The following NRXN2 variants were observed in gnomAD, a reference collection of about 807,000 sequenced individuals.
The protein encoded by NRXN2 is neurexin 2, also known as neurexin-2-beta.
In NRXN2, 29 loss-of-function variants were observed where a neutral mutation model predicts 128.8. The observed-to-expected ratio is 0.23, with a 90% CI of 0.17 to 0.31. The LOEUF (loss-of-function observed/expected upper bound fraction) is 0.31. Among genes scored for constraint, NRXN2 ranks in the 10% least tolerant of loss-of-function variants. NRXN2 has a pLI of 1.00. For missense variants in NRXN2, 1,881 were observed against 2,452.6 expected, an observed-to-expected ratio of 0.77 and a Z score of 4.92; for synonymous variants, 1,098 against 1,075.2, an observed-to-expected ratio of 1.02 and a Z score of -0.41.
chr11:64,655,452 G>A (rs1485540355), intron 11 of NRXN2, among the ~76,000 whole-genome samples: 2 of 152,060 alleles, frequency 1.3e-5, no homozygotes, highest in Admixed American at 6.5e-5. Flanking sequence ...GGAAGGGGAG[G>A]ACTGTTAGGG....
chr11:64,706,029 T>G (rs1261395106), intron 2 of NRXN2, among the ~76,000 whole-genome samples: 1 of 119,324 alleles, frequency 8.4e-6, no homozygotes, highest in Non-Finnish European at 1.6e-5. Context: ...ATAATCCCTC[T>G]GCACTTCACT....
chr11:64,637,491 T>C (rs2849041), intron 17 of NRXN2: 149,729 of 152,408 alleles, frequency 0.98, 73,608 homozygotes, highest in Middle Eastern at 1. Flanking sequence ...TGCAGCACTC[T>C]GGAAAATCGG....
Position 64,712,869 on chromosome 11 carries a change from C to G in NRXN2, c.730+101G>C. 6.5e-6 allele frequency: 7 copies of G among 1,078,798 alleles called. No homozygotes were observed. In the South Asian group the frequency reaches 1.0e-4, roughly 15 times the overall value. 66.8% of individuals were successfully genotyped at this position (1,078,798 alleles called of 1,614,324 possible). ...CCCACTCACAAGCCCTCGTGCCCAG[C>G]CCCCGTGCCTCAGGAGCCCACACAC... On this transcript the variant is annotated intron_variant, in intron 2 of 22. Coordinates refer to ENST00000265459, the MANE Select transcript of NRXN2 (RefSeq NM_015080.4).
At chr11:64,659,390 T>A (rs2048714218) in intron 11 of NRXN2, 1 of 152,286 alleles carries the variant, frequency 6.6e-6, no homozygotes. Flanking sequence ...TTGCCCTGAC[T>A]AGGAGAGCTG....
intron 22 of NRXN2, among the ~76,000 whole-genome samples, chr11:64,615,697 T>C (rs757817598): frequency 2.8e-4 from 42 of 152,206 alleles, no homozygotes; most frequent in Admixed American, 3.3e-4. Context: ...AGGCATGCCT[T>C]GTACTGTGTC....
chr11:64,708,310 T>C (rs1047142168), intron 2 of NRXN2, among the ~76,000 whole-genome samples: 2 of 152,150 alleles, frequency 1.3e-5, no homozygotes, highest in Non-Finnish European at 2.9e-5. Context: ...CCTGAGCAAA[T>C]AGTATACACC....
chr11:64,656,992 C>T (rs1399561024), intron 11 of NRXN2, among the ~76,000 whole-genome samples: 1 of 151,882 alleles, frequency 6.6e-6, no homozygotes, highest in Non-Finnish European at 1.5e-5. Context: ...CCGCAGCCTC[C>T]GCTCCCTCTT....
rs758781905 is a variant in NRXN2 at position 64,660,568 on chromosome 11, A to G, written c.2186-33T>C. The G allele has an allele frequency of 6.2e-7, 1 of 1,610,516 alleles. No homozygotes were observed. Among genetic ancestry groups the G allele is most frequent in the Non-Finnish European group, 8.5e-7 (1 of 1,177,446 alleles). On this transcript the variant is annotated intron_variant, in intron 10 of 22. Coordinates refer to ENST00000265459, the MANE Select transcript of NRXN2 (RefSeq NM_015080.4). This position sits in a 1 kb window ranked among gnomAD's most constrained non-coding sequence, Gnocchi z 5.2. ...CAGGAGTTGGGGAAGAGGGAAGGAG[A>G]AGACAGGCAGAGGCCAGGGGAGGGA...
intron 22 of NRXN2, among the ~76,000 whole-genome samples, chr11:64,609,122 A>C (rs1343499990): frequency 6.6e-6 from 1 of 151,722 alleles, no homozygotes; most frequent in Non-Finnish European, 1.5e-5. Flanking sequence ...GAGAGAAGCC[A>C]TGTAGAGGCA....
chr11:64,720,324 C>T (rs574457055), intron 1 of NRXN2, among the ~76,000 whole-genome samples: 2 of 152,344 alleles, frequency 1.3e-5, no homozygotes. Context: ...GCTGCACCAA[C>T]AGATGGAGCA....
Position 64,632,136 on chromosome 11 carries a change from G to T in NRXN2, c.3586-1563C>A, listed in dbSNP as rs1166563719. 1.3e-5 allele frequency among the ~76,000 whole-genome samples: 2 copies of T among 152,228 alleles called. No individual in the cohort carries two copies. The highest frequency in any genetic ancestry group is 2.9e-5 in the Non-Finnish European group (2 of 68,046). On this transcript the variant is annotated intron_variant, in intron 18 of 22. Coordinates refer to ENST00000265459, the MANE Select transcript of NRXN2 (RefSeq NM_015080.4). The surrounding 1 kb of genome is among the most constrained non-coding windows in gnomAD (Gnocchi z 4.2). ...GGCTCACAGATGGGGCAAGGGTTGGGGTTTGGCAGAGAGAGTTGGGGGACA... is the reference window on the plus strand; with the variant it reads ...GGCTCACAGATGGGGCAAGGGTTGGTGTTTGGCAGAGAGAGTTGGGGGACA...
At chr11:64,696,754 C>A (rs1361520330) in intron 3 of NRXN2, among the ~76,000 whole-genome samples, 1 of 152,182 alleles carries the variant, frequency 6.6e-6, no homozygotes, top group African/African-American at 2.4e-5. Flanking sequence ...CCCAGGGACG[C>A]CCTTGCCCTC....
rs1418844978 is a variant in NRXN2, at chr11:64,714,500, C to T, written c.-244-557G>A. On this transcript the variant is annotated intron_variant, in intron 1 of 22. Coordinates refer to ENST00000265459, the MANE Select transcript of NRXN2 (RefSeq NM_015080.4). The surrounding 1 kb of genome is among the most constrained non-coding windows in gnomAD (Gnocchi z 4.5). Reference sequence around the variant, plus strand: ...GAAGGGGGCAAGGGAGAGAAGCCAGCCAGGACCCAGATATCCAGGCCCCAA... The same window carrying T: ...GAAGGGGGCAAGGGAGAGAAGCCAGTCAGGACCCAGATATCCAGGCCCCAA... Among the ~76,000 whole-genome samples the T allele has an allele frequency of 6.6e-6, 1 of 151,978 alleles. No individual in the cohort carries two copies. The highest frequency in any genetic ancestry group is 2.4e-5 in the African/African-American group (1 of 41,342).
chr11:64,681,562 T>C (rs1394631159), intron 6 of NRXN2, among the ~76,000 whole-genome samples: 2 of 152,230 alleles, frequency 1.3e-5, no homozygotes, highest in Non-Finnish European at 2.9e-5. Context: ...TGCCAGGCAC[T>C]GTGTTGAGTG....
Position 64,651,058 on chromosome 11 carries a change from G to A in NRXN2, c.2918+197C>T, listed in dbSNP as rs537585133. On this transcript the variant is annotated intron_variant, in intron 14 of 22. Coordinates refer to ENST00000265459, the MANE Select transcript of NRXN2 (RefSeq NM_015080.4). This position sits in a 1 kb window ranked among gnomAD's most constrained non-coding sequence, Gnocchi z 5.9. Reference sequence around the variant, plus strand: ...GGAACTCTGGCAAGGAAGCAGCTGGGGAGTCAGCAGTGGAAGAGGGTGTGC... The same window carrying A: ...GGAACTCTGGCAAGGAAGCAGCTGGAGAGTCAGCAGTGGAAGAGGGTGTGC... Among the ~76,000 whole-genome samples the A allele has an allele frequency of 2.8e-4, 43 of 152,312 alleles. No homozygotes were observed. The highest frequency in any genetic ancestry group is 5.9e-4 in the Non-Finnish European group (40 of 68,020).
intron 3 of NRXN2, among the ~76,000 whole-genome samples, chr11:64,695,399 T>A (rs532084578): frequency 6.6e-6 from 1 of 152,028 alleles, no homozygotes; most frequent in Non-Finnish European, 1.5e-5. Context: ...TTGGGGTTCC[T>A]GGAGAAAGCT....
At chr11:64,706,157 T>TA (rs2056290566) in intron 2 of NRXN2, among the ~76,000 whole-genome samples, 4 of 108 alleles carry the variant, frequency 0.037, 1 homozygote, top group Non-Finnish European at 0.026. Flanking sequence ...AAAGTATATA[T>TA]ATATAATATA....
Position 64,648,722 on chromosome 11 carries a change from C to T in NRXN2, c.3283+12G>A. ...AGTAGGGCCACACCTCACTCCTCCA[C>T]CCTCCACTCACCATCACAGCCCCTC... On this transcript the variant is annotated intron_variant, in intron 16 of 22. Coordinates refer to ENST00000265459, the MANE Select transcript of NRXN2 (RefSeq NM_015080.4). The surrounding 1 kb of genome is among the most constrained non-coding windows in gnomAD (Gnocchi z 4.1). 6.2e-7 allele frequency: 1 copy of T among 1,613,182 alleles called. No individual in the cohort carries two copies. The highest frequency in any genetic ancestry group is 1.1e-5 in the South Asian group (1 of 91,048).
In NRXN2 at chr11:64,685,904, G is replaced by A. The variant is rs137891559; in HGVS notation, c.894C>T (p.Phe298=). 498 of 1,614,170 alleles carry A rather than the reference G, an allele frequency of 3.1e-4. 1 individual carries two copies. Among genetic ancestry groups the A allele is most frequent in the Non-Finnish European group, 3.9e-4 (460 of 1,180,018 alleles). ...FVATFKGNEF[F]CYDLSHNPIQ... ...TGGGGTTGTGTGACAGGTCGTAGCA[G>A]AAGAACTCATTGCCTTTGAAGGTCG... The change falls in exon 6 of 23, where the codon TTC becomes TTT. Residue 298 remains phenylalanine, a synonymous_variant. Transcript: ENST00000265459.
Sources: allele counts gnomAD v4.1 joint callset (sites outside exome capture counted in the v4.1 genomes callset), GRCh38; gene constraint gnomAD v4.1.1; non-coding constraint Gnocchi (gnomAD v3.1); transcripts MANE v1.5; gene names NCBI Gene and HGNC (gene_info 2026-07-23, HGNC 2026-07-21).